The following ADSS2 variants were observed in gnomAD, a reference collection of about 807,000 sequenced individuals.
ADSS2 encodes adenylosuccinate synthetase isozyme 2.
In ADSS2, 30 loss-of-function variants were observed where a neutral mutation model predicts 60.0. The observed-to-expected ratio is 0.50, with a 90% CI of 0.37 to 0.68. The LOEUF (loss-of-function observed/expected upper bound fraction) is 0.68, where lower values mean the gene tolerates loss of function less well. Ranked by LOEUF, ADSS2 falls within the 30% of genes least tolerant of loss-of-function variation. The pLI is 0.00. For synonymous variants in ADSS2, 187 were observed against 193.1 expected (o/e 0.97, Z 0.26); for missense variants, 373 against 554.8 (o/e 0.67, Z 3.29).
chr1:244,449,180 T>A (rs1371865169), intron 1 of ADSS2, among the ~76,000 whole-genome samples: 1 of 152,202 alleles, frequency 6.6e-6, no homozygotes, highest in Non-Finnish European at 1.5e-5. Flanking sequence ...TTTGCATCTA[T>A]TGTTTCCAAA....
intron 12 of ADSS2, among the ~76,000 whole-genome samples, chr1:244,410,308 G>A (rs922577921): frequency 1.3e-5 from 2 of 152,012 alleles, no homozygotes; most frequent in African/African-American, 4.8e-5. Context: ...GATTTTACAC[G>A]GAGGACACAT....
At chr1:244,438,125 CT>C (rs1363238167) in intron 1 of ADSS2, among the ~76,000 whole-genome samples, 6 of 152,160 alleles carry the variant, frequency 3.9e-5, no homozygotes, top group African/African-American at 1.4e-4. Context: ...GATATTCCAT[CT>C]ACACACACAC....
In ADSS2 at chr1:244,437,711, G is replaced by A; in HGVS notation, c.241C>T (p.Leu81Phe). Residue 81 changes from leucine (L) to phenylalanine (F), a missense_variant, in exon 2 of 13, where the codon CTC (leucine) becomes TTC (phenylalanine). Physicochemically the swap from Leu to Phe is conservative, Grantham distance 22. Around this residue, in one of 5 missense-constraint regions of ADSS2, gnomAD observed 29 missense variants for 73.3 expected, o/e 0.40. Coordinates refer to ENST00000366535, the MANE Select transcript of ADSS2 (RefSeq NM_001126.5). The stretch of plus-strand genomic sequence containing the variant: ...GGATTAATTATTCCACTGGGTAAGA[G>A]ATGAAAATCATATTCCACAGAATCC... The part of the protein sequence containing the change: ...VVDSVEYDFH[L>F]LPSGIINPNV... The A allele has an allele frequency of 6.2e-7, 1 of 1,608,322 alleles. No individual in the cohort carries two copies. The highest frequency in any genetic ancestry group is 8.5e-7 in the Non-Finnish European group (1 of 1,175,014).
chr1:244,447,920 A>G (rs914216544), intron 1 of ADSS2, among the ~76,000 whole-genome samples: 4 of 152,216 alleles, frequency 2.6e-5, no homozygotes, highest in African/African-American at 7.2e-5. Context: ...GTGCTACAGA[A>G]TAAGAAAAGG....
chr1:244,424,395 G>C lies in ADSS2; in HGVS notation c.407-8C>G, dbSNP rs201241047. On this transcript the variant is annotated splice_region_variant and splice_polypyrimidine_tract_variant and intron_variant, in intron 4 of 12. Coordinates refer to ENST00000366535, the MANE Select transcript of ADSS2 (RefSeq NM_001126.5). ...CTTGATGAAAATCAAATACTGAGGG[G>C]AAATAAAACCACAGTTGTTGAAACA... is the stretch of plus-strand genomic sequence containing the variant. 6.2e-7 allele frequency: 1 copy of C among 1,610,472 alleles called. No individual in the cohort carries two copies. The highest frequency in any genetic ancestry group is 1.1e-5 in the South Asian group (1 of 90,864).
chr1:244,447,803 T>C (rs1264801281), intron 1 of ADSS2, among the ~76,000 whole-genome samples: 1 of 152,158 alleles, frequency 6.6e-6, no homozygotes, highest in African/African-American at 2.4e-5. Context: ...GTTAAAACAA[T>C]TACAAGAAAG....
Position 244,408,521 on chromosome 1 carries a change from A to G in ADSS2, c.*1065T>C, listed in dbSNP as rs1022157577. 1 of 152,654 alleles carries G rather than the reference A, an allele frequency of 6.6e-6. No individual in the cohort carries two copies. Among genetic ancestry groups the G allele is most frequent in the Non-Finnish European group, 1.5e-5 (1 of 68,038 alleles). The allele number at this position is 152,654 out of a possible 1,614,324, so 9.5% of individuals were successfully genotyped here. Reference sequence around the variant, plus strand: ...CTAGAAATATTTGGTTCTTTTAATCAGCTATTCATGGTGTAATAAAATAAA... The same window carrying G: ...CTAGAAATATTTGGTTCTTTTAATCGGCTATTCATGGTGTAATAAAATAAA... On this transcript the variant is annotated 3_prime_UTR_variant, in exon 13 of 13. Coordinates refer to ENST00000366535, the MANE Select transcript of ADSS2 (RefSeq NM_001126.5).
At chr1:244,416,124 GCCTCTAATAT>G (rs1428828016) in intron 10 of ADSS2, 46 bp from the exon 11 acceptor site, 1 of 1,297,236 alleles carries the variant, frequency 7.7e-7, no homozygotes, top group Non-Finnish European at 1.1e-6. Flanking sequence ...GACTCTTAAA[GCCTCTAATAT>G]CTAATTTGAT....
Position 244,411,170 on chromosome 1 carries a change from G to A in ADSS2, c.1318+117C>T, listed in dbSNP as rs972668709. 32 of 1,051,250 alleles carry A rather than the reference G, an allele frequency of 3.0e-5. No individual in the cohort carries two copies. The East Asian group carries it at 3.9e-4, about 13-fold the overall frequency. The allele number at this position is 1,051,250 out of a possible 1,614,324, so 65.1% of individuals were successfully genotyped here. ...CAGGAGGCAGAGGTTGCAGTGAGCC[G>A]AGATCCCGCCACTGCACTCCAGCCT... is the stretch of plus-strand genomic sequence containing the variant. On this transcript the variant is annotated intron_variant, in intron 12 of 12. Transcript: ENST00000366535.
chr1:244,412,629 C>T (rs193135538), intron 11 of ADSS2, among the ~76,000 whole-genome samples: 2 of 152,204 alleles, frequency 1.3e-5, no homozygotes, highest in Admixed American at 1.3e-4. Context: ...CCATCTCCTA[C>T]AGCAGAGAGC....
chr1:244,439,267 T>C (rs565229166), intron 1 of ADSS2, among the ~76,000 whole-genome samples: 21 of 152,332 alleles, frequency 1.4e-4, no homozygotes, highest in African/African-American at 5.1e-4. Context: ...ACTTTGTTTA[T>C]GTGGAGTTTA....
upstream of ADSS2, chr1:244,451,930 G>GCCCCGC (rs1459773932): frequency 3.1e-4 from 358 of 1,156,510 alleles, 2 homozygotes; most frequent in South Asian, 5.6e-3. This position sits in a 1 kb window ranked among gnomAD's most constrained non-coding sequence, Gnocchi z 6.6. Context: ...CCAGAGGCCG[G>GCCCCGC]CCCCGCCCCC....
intron 1 of ADSS2, among the ~76,000 whole-genome samples, chr1:244,439,975 TG>T (rs1222790118): frequency 2.0e-5 from 3 of 152,310 alleles, no homozygotes; most frequent in Non-Finnish European, 4.4e-5. Context: ...TGCATTCTCC[TG>T]CCTCGAAGCA....
chr1:244,429,889 T>TAATAA (rs947804235), intron 4 of ADSS2, among the ~76,000 whole-genome samples: 8 of 151,846 alleles, frequency 5.3e-5, no homozygotes, highest in East Asian at 3.9e-4. Flanking sequence ...CTCAAAAAAA[T>TAATAA]AATAAAATAA....
intron 12 of ADSS2, among the ~76,000 whole-genome samples, chr1:244,410,492 A>T (rs1465287146): frequency 3.4e-5 from 3 of 87,858 alleles, no homozygotes; most frequent in Non-Finnish European, 6.8e-5. Flanking sequence ...AGGCTTAATT[A>T]TTTTTAAAAA....
chr1:244,421,598 G>C (rs1424763755), intron 7 of ADSS2, among the ~76,000 whole-genome samples: 2 of 152,058 alleles, frequency 1.3e-5, no homozygotes, highest in Admixed American at 6.6e-5. Context: ...CATTCACATG[G>C]AACACATATA....
chr1:244,447,290 A>G (rs1665417801), intron 1 of ADSS2, among the ~76,000 whole-genome samples: 1 of 152,212 alleles, frequency 6.6e-6, no homozygotes, highest in Non-Finnish European at 1.5e-5. Flanking sequence ...GTAAATATCA[A>G]TTTATTGGTT....
rs1026271541 is a variant in ADSS2, at chr1:244,444,331, C to T, written c.184-6563G>A. 4.7e-5 allele frequency among the ~76,000 whole-genome samples: 7 copies of T among 150,010 alleles called. No individual in the cohort carries two copies. The East Asian group carries it at 9.7e-4, about 21-fold the overall frequency. On this transcript the variant is annotated intron_variant, in intron 1 of 12. Coordinates refer to ENST00000366535, the MANE Select transcript of ADSS2 (RefSeq NM_001126.5). ...GAGATCGAGACCATCCCGGCTAAAA[C>T]GGTGAAACCCCGTCTCTACTAAAAA...
chr1:244,411,090 G>A (rs113429205), intron 12 of ADSS2, among the ~76,000 whole-genome samples, 197 bp downstream of exon 12: 5,263 of 152,012 alleles, frequency 0.035, 113 homozygotes, highest in Middle Eastern at 0.085. Flanking sequence ...GCGTGGTGGC[G>A]CGCACCTCTA....
Sources: gnomAD v4.1 joint callset for allele counts (sites outside exome capture counted in the v4.1 genomes callset) on GRCh38, gnomAD v4.1.1 for gene constraint, gnomAD v4.1.1 regional missense constraint, Gnocchi (gnomAD v3.1) non-coding constraint, MANE v1.5 for transcripts, NCBI Gene and HGNC (gene_info 2026-07-23, HGNC 2026-07-21) for gene names.